Variants in NRCAM observed in about 807,000 individuals in gnomAD.
The protein encoded by NRCAM is NgCAM-related cell adhesion molecule.
Under a neutral mutation model 156.5 loss-of-function variants are expected in NRCAM, and 83 were observed. That is an observed-to-expected ratio of 0.53 (90% CI 0.44 to 0.64). The LOEUF (loss-of-function observed/expected upper bound fraction) is 0.64. Among genes scored for constraint, NRCAM ranks in the 30% least tolerant of loss-of-function variants. The probability of loss-of-function intolerance (pLI) is 0.00; values close to 1 mark genes in which losing one functional copy is unlikely to be tolerated. For synonymous variants in NRCAM, 538 were observed against 563.9 expected, an observed-to-expected ratio of 0.95 and a Z score of 0.65; for missense variants, 1,417 against 1,597.3, an observed-to-expected ratio of 0.89 and a Z score of 1.92.
At chr7:108,259,523 A>G (rs897961632) in intron 3 of NRCAM, among the ~76,000 whole-genome samples, 1 of 152,240 alleles carries the variant, frequency 6.6e-6, no homozygotes, top group Non-Finnish European at 1.5e-5. Context: ...AAATCATTCT[A>G]TTATAAAGAT....
intron 1 of NRCAM, among the ~76,000 whole-genome samples, chr7:108,429,674 C>A (rs1822340442): frequency 6.6e-6 from 1 of 152,216 alleles, no homozygotes; most frequent in Admixed American, 6.5e-5. Context: ...TTTCATTATT[C>A]ATTCAACATA....
At chr7:108,347,188 C>T (rs556835067) in intron 2 of NRCAM, among the ~76,000 whole-genome samples, 1 of 152,052 alleles carries the variant, frequency 6.6e-6, no homozygotes, top group African/African-American at 2.4e-5. Flanking sequence ...CAGGCGCCTG[C>T]CACCATGCCT....
intron 3 of NRCAM, among the ~76,000 whole-genome samples, chr7:108,307,848 A>G (rs531653249): frequency 6.6e-6 from 1 of 152,172 alleles, no homozygotes; most frequent in East Asian, 1.9e-4. Flanking sequence ...ACTCCCTCCA[A>G]AAGCAGCCAG....
intron 3 of NRCAM, among the ~76,000 whole-genome samples, chr7:108,244,396 G>C (rs536717226): frequency 6.7e-4 from 102 of 152,246 alleles, no homozygotes; most frequent in African/African-American, 2.3e-3. Flanking sequence ...GACTGTGAAA[G>C]ACATTTTTCA....
intron 26 of NRCAM, among the ~76,000 whole-genome samples, chr7:108,177,548 G>A (rs369657990): frequency 3.3e-5 from 5 of 151,868 alleles, no homozygotes; most frequent in East Asian, 1.9e-4. Context: ...GTGTGAACTC[G>A]GGAGATGGAG....
At chr7:108,387,096 A>G (rs535748685) in intron 2 of NRCAM, among the ~76,000 whole-genome samples, 2 of 152,128 alleles carry the variant, frequency 1.3e-5, no homozygotes, top group Non-Finnish European at 2.9e-5. Flanking sequence ...TCCTCACAAA[A>G]GGCTTCCACT....
At chr7:108,446,284 TTACAATC>T (rs1293003088) in intron 1 of NRCAM, among the ~76,000 whole-genome samples, 5 of 152,206 alleles carry the variant, frequency 3.3e-5, no homozygotes, top group African/African-American at 1.2e-4. Context: ...AGCAAGCAAA[TTACAATC>T]TACAGAGTCC....
At chr7:108,266,101 T>C (rs2097094046) in intron 3 of NRCAM, among the ~76,000 whole-genome samples, 1 of 152,238 alleles carries the variant, frequency 6.6e-6, no homozygotes, top group Non-Finnish European at 1.5e-5. Context: ...TTTCAAATAT[T>C]TTCTCATATA....
chr7:108,290,730 TA>T (rs2098263029), intron 3 of NRCAM, among the ~76,000 whole-genome samples: 1 of 152,192 alleles, frequency 6.6e-6, no homozygotes, highest in Non-Finnish European at 1.5e-5. Context: ...TTTTAGAAGC[TA>T]AATTGCATCA....
chr7:108,267,335 TTGCCAGTTATGG>T (rs751072845), intron 3 of NRCAM, among the ~76,000 whole-genome samples: 23 of 152,230 alleles, frequency 1.5e-4, no homozygotes, highest in South Asian at 4.1e-4. Context: ...GATTTTGCTG[TTGCCAGTTATGG>T]CAAAAAGGCA....
intron 24 of NRCAM, among the ~76,000 whole-genome samples, chr7:108,180,849 T>C (rs189743998): frequency 2.0e-5 from 3 of 152,338 alleles, no homozygotes; most frequent in Admixed American, 6.5e-5. Context: ...CATGTAGTGA[T>C]TGTAAACACC....
In NRCAM at chr7:108,195,802, T is replaced by C; in HGVS notation, c.1422A>G (p.Leu474=). Residue 474 remains leucine, a synonymous_variant, in exon 15 of 33, where the codon CTA becomes CTG. Coordinates refer to ENST00000379028, the MANE Select transcript of NRCAM (RefSeq NM_001037132.4). The stretch of plus-strand genomic sequence containing the variant: ...GAGGAGACCCAAAGAAGGCACAGTC[T>C]AGTAAAGCAGGCCTGTTTGCAATGA... ...YQVIANRPAL[L]DCAFFGSPLP... The C allele has an allele frequency of 1.9e-6, 3 of 1,613,466 alleles. No individual in the cohort carries two copies. Among genetic ancestry groups the C allele is most frequent in the African/African-American group, 1.3e-5 (1 of 75,038 alleles).
chr7:108,244,798 GGAATGGT>G (rs2095797845), intron 3 of NRCAM, among the ~76,000 whole-genome samples: 1 of 152,142 alleles, frequency 6.6e-6, no homozygotes, highest in Non-Finnish European at 1.5e-5. Context: ...TAGTACCTAA[GGAATGGT>G]GAACAATAAA....
In NRCAM at chr7:108,207,617, G is replaced by A; in HGVS notation, c.1118C>T (p.Ser373Phe). The change falls in exon 13 of 33, where the codon TCC (serine) becomes TTC (phenylalanine). Residue 373 changes from serine to phenylalanine, a missense_variant. Physicochemically the swap from Ser to Phe is radical, Grantham distance 155. Around this residue, in one of 2 missense-constraint regions of NRCAM, gnomAD observed 1,238 missense variants for 1,336.4 expected, o/e 0.93. Coordinates refer to ENST00000379028, the MANE Select transcript of NRCAM (RefSeq NM_001037132.4). The part of the protein sequence containing the change: ...WITAPQNLVL[S>F]PGEDGTLICR... ...GATCAAGGTCCCATCCTCTCCTGGGGACAGCACAAGATTTTGAGGGGCTGT... is the reference window on the plus strand; with the variant it reads ...GATCAAGGTCCCATCCTCTCCTGGGAACAGCACAAGATTTTGAGGGGCTGT... The A allele has an allele frequency of 6.2e-7, 1 of 1,613,882 alleles. No individual in the cohort carries two copies. The highest frequency in any genetic ancestry group is 8.5e-7 in the Non-Finnish European group (1 of 1,179,832).
At chr7:108,189,820 TCA>T in intron 19 of NRCAM, 74 bp from the exon 20 acceptor site, 1 of 678,930 alleles carries the variant, frequency 1.5e-6, no homozygotes, top group Admixed American at 2.6e-5. Context: ...GTGATACTAT[TCA>T]CAGAGGGGAC....
intron 1 of NRCAM, among the ~76,000 whole-genome samples, chr7:108,445,565 C>A (rs759774231): frequency 2.0e-5 from 3 of 152,162 alleles, no homozygotes; most frequent in Non-Finnish European, 2.9e-5. Flanking sequence ...TTAGCACTTT[C>A]ATTTCATCAT....
intron 3 of NRCAM, among the ~76,000 whole-genome samples, chr7:108,294,368 T>G (rs1440571233): frequency 1.3e-5 from 2 of 152,020 alleles, no homozygotes; most frequent in Non-Finnish European, 2.9e-5. Context: ...TTCCTTTATG[T>G]TCCTCCAACA....
intron 2 of NRCAM, among the ~76,000 whole-genome samples, chr7:108,332,297 G>A (rs1428266674): frequency 6.6e-6 from 1 of 152,156 alleles, no homozygotes; most frequent in Non-Finnish European, 1.5e-5. Context: ...GAGTTAAGGA[G>A]AATGACTGAA....
intron 1 of NRCAM, among the ~76,000 whole-genome samples, chr7:108,402,209 T>C (rs1413088562): frequency 6.6e-6 from 1 of 152,244 alleles, no homozygotes; most frequent in African/African-American, 2.4e-5. Context: ...ATTCTTACAT[T>C]CATCTTCAAT....
Sources: gnomAD v4.1 joint callset for allele counts (sites outside exome capture counted in the v4.1 genomes callset) on GRCh38, gnomAD v4.1.1 for gene constraint, gnomAD v4.1.1 regional missense constraint, MANE v1.5 for transcripts, NCBI Gene and HGNC (gene_info 2026-07-23, HGNC 2026-07-21) for gene names.